The following SPMIP7 variants were observed in gnomAD, a reference collection of about 807,000 sequenced individuals.
SPMIP7 encodes the protein protein SPMIP7.
the SPMIP7 span, among the ~76,000 whole-genome samples, chr7:50,097,079 A>G: frequency 6.6e-6 from 1 of 152,242 alleles, no homozygotes; most frequent in African/African-American, 2.4e-5. Context: ...TTTGGCTCCA[A>G]TAAGAACAGA....
the SPMIP7 span, among the ~76,000 whole-genome samples, chr7:50,137,950 TTATTTTAAGACTTTTC>T: frequency 4.1e-4 from 62 of 152,326 alleles, no homozygotes; most frequent in African/African-American, 1.4e-3. Context: ...TGTGACTTTT[TTATTTTAAGACTTTTC>T]TATTTTTGCT....
chr7:50,125,239 CACATATAT>C, the SPMIP7 span, among the ~76,000 whole-genome samples: 696 of 30,494 alleles, frequency 0.023, 33 homozygotes, highest in African/African-American at 0.063. Flanking sequence ...CATATATATA[CACATATAT>C]ACACATATAT....
At chr7:50,152,065 T>C in the SPMIP7 span, among the ~76,000 whole-genome samples, 2 of 152,168 alleles carry the variant, frequency 1.3e-5, no homozygotes, top group Non-Finnish European at 2.9e-5. Flanking sequence ...GCAGGAGATG[T>C]GGCCAGGCAT....
At chr7:50,140,260 GTATTCACTTTT>G in the SPMIP7 span, 2 of 775,782 alleles carry the variant, frequency 2.6e-6, no homozygotes, top group African/African-American at 1.8e-5. Flanking sequence ...CACGCATGTT[GTATTCACTTTT>G]TAAGACAACT....
the SPMIP7 span, among the ~76,000 whole-genome samples, chr7:50,128,637 T>C: frequency 1.3e-5 from 2 of 151,986 alleles, no homozygotes; most frequent in African/African-American, 4.8e-5. Context: ...TGAAAGCCGA[T>C]AGTGGTAGAA....
At chr7:50,096,297 C>G in the SPMIP7 span, 22 of 1,551,744 alleles carry the variant, frequency 1.4e-5, no homozygotes, top group Non-Finnish European at 1.9e-5. Context: ...CACCCTTATC[C>G]CCCTTCAGTT....
chr7:50,109,127 A>T, the SPMIP7 span, among the ~76,000 whole-genome samples: 3 of 152,162 alleles, frequency 2.0e-5, no homozygotes, highest in Admixed American at 1.3e-4. Flanking sequence ...CCCCATTAAG[A>T]TTGATTTATG....
the SPMIP7 span, among the ~76,000 whole-genome samples, chr7:50,107,596 G>A: frequency 1.3e-5 from 2 of 152,032 alleles, no homozygotes; most frequent in South Asian, 2.1e-4. Flanking sequence ...AAATACAGAA[G>A]TGAAAGTCAC....
chr7:50,129,884 C>A, the SPMIP7 span: 7 of 783,110 alleles, frequency 8.9e-6, no homozygotes, highest in Non-Finnish European at 1.5e-5. Flanking sequence ...TATCCTGGAT[C>A]TTATGAGTGA....
the SPMIP7 span, chr7:50,141,335 C>T: frequency 1.3e-6 from 2 of 1,552,050 alleles, no homozygotes; most frequent in East Asian, 4.9e-5. Flanking sequence ...TGGGAGACAT[C>T]GCATCGCTAG....
the SPMIP7 span, among the ~76,000 whole-genome samples, chr7:50,097,683 TAAA>T: frequency 7.0e-6 from 1 of 142,214 alleles, no homozygotes; most frequent in Admixed American, 7.0e-5. Flanking sequence ...CATTTTATGT[TAAA>T]AAAAAAAAAA....
At chr7:50,115,709 T>C in the SPMIP7 span, among the ~76,000 whole-genome samples, 1 of 152,290 alleles carries the variant, frequency 6.6e-6, no homozygotes, top group Admixed American at 6.5e-5. Flanking sequence ...GTATGTAAGT[T>C]TTGCTTAACT....
chr7:50,141,509 G>A, the SPMIP7 span: 20 of 653,986 alleles, frequency 3.1e-5, no homozygotes, highest in African/African-American at 3.1e-4. Context: ...GAAGAAGAAA[G>A]ATACCTGCTT....
chr7:50,104,860 C>T, the SPMIP7 span, among the ~76,000 whole-genome samples: 3 of 152,138 alleles, frequency 2.0e-5, no homozygotes, highest in East Asian at 5.8e-4. Flanking sequence ...GCTTCTTTTC[C>T]TTCTCCTATT....
chr7:50,119,351 C>T, the SPMIP7 span, among the ~76,000 whole-genome samples: 1 of 152,192 alleles, frequency 6.6e-6, no homozygotes, highest in African/African-American at 2.4e-5. Context: ...ATCCTAACGC[C>T]ATAGATCAAG....
At chr7:50,109,138 A>G in the SPMIP7 span, among the ~76,000 whole-genome samples, 1 of 152,170 alleles carries the variant, frequency 6.6e-6, no homozygotes, top group Non-Finnish European at 1.5e-5. Context: ...TTGATTTATG[A>G]TATATAAAAT....
At chr7:50,159,184 C>A in the SPMIP7 span, 1 of 1,549,762 alleles carries the variant, frequency 6.5e-7, no homozygotes, top group African/African-American at 1.4e-5. Context: ...GGCGGCCCTG[C>A]GCGGGCTGTC....
At chr7:50,130,931 T>C in the SPMIP7 span, among the ~76,000 whole-genome samples, 1 of 151,728 alleles carries the variant, frequency 6.6e-6, no homozygotes. Context: ...AAAGGAGAGG[T>C]CAGAGAAGTG....
chr7:50,128,168 G>T, the SPMIP7 span, among the ~76,000 whole-genome samples: 1 of 151,782 alleles, frequency 6.6e-6, no homozygotes, highest in Non-Finnish European at 1.5e-5. Flanking sequence ...TTGTACCAAC[G>T]TGGATGGAAC....
Sources: allele counts gnomAD v4.1 joint callset (sites outside exome capture counted in the v4.1 genomes callset), GRCh38; gene constraint gnomAD v4.1.1; transcripts MANE v1.5; gene names NCBI Gene and HGNC (gene_info 2026-07-23, HGNC 2026-07-21).